The following AUTS2 variants were observed in gnomAD, a reference collection of about 807,000 sequenced individuals.
AUTS2 encodes activator of transcription and developmental regulator AUTS2.
A neutral mutation model predicts 112.4 loss-of-function variants in AUTS2; 17 were observed. That is an observed-to-expected ratio of 0.15 (90% CI 0.10 to 0.23). AUTS2 has a LOEUF of 0.23. Among genes scored for constraint, AUTS2 ranks in the 10% least tolerant of loss-of-function variants. The probability of loss-of-function intolerance (pLI) is 1.00; values close to 1 mark genes in which losing one functional copy is unlikely to be tolerated. For missense variants in AUTS2, 1,510 were observed against 1,701.6 expected, an observed-to-expected ratio of 0.89 and a Z score of 1.98; for synonymous variants, 751 against 702.7, an observed-to-expected ratio of 1.07 and a Z score of -1.09.
intron 2 of AUTS2, among the ~76,000 whole-genome samples, chr7:70,032,790 CT>C (rs1183361978): frequency 6.6e-6 from 1 of 151,938 alleles, no homozygotes; most frequent in Non-Finnish European, 1.5e-5. Context: ...CTAACCTTCC[CT>C]GTAATTATGC....
At chr7:69,985,119 G>A (rs997044492) in intron 2 of AUTS2, among the ~76,000 whole-genome samples, 6 of 151,574 alleles carry the variant, frequency 4.0e-5, no homozygotes, top group East Asian at 1.9e-4. Flanking sequence ...TAATCCCAGC[G>A]CTGTGGGAGC....
chr7:69,984,319 A>G (rs1237501431), intron 2 of AUTS2, among the ~76,000 whole-genome samples: 6 of 150,060 alleles, frequency 4.0e-5, no homozygotes, highest in African/African-American at 1.5e-4. Context: ...AGGCAGGAGA[A>G]TGGCGTGAAC....
At chr7:69,799,594 C>T (rs573766750) in intron 1 of AUTS2, among the ~76,000 whole-genome samples, 2 of 152,322 alleles carry the variant, frequency 1.3e-5, no homozygotes, top group Non-Finnish European at 2.9e-5. Context: ...TACAGTGATA[C>T]AGTTAGCACT....
chr7:70,074,017 T>A (rs1384059393), intron 2 of AUTS2, among the ~76,000 whole-genome samples: 6 of 152,244 alleles, frequency 3.9e-5, no homozygotes, highest in Non-Finnish European at 8.8e-5. Context: ...ACTGAATAAT[T>A]CTGTCTCATG....
chr7:70,605,546 C>CTTTTTTTTTTTTTT, intron 5 of AUTS2, among the ~76,000 whole-genome samples: 5 of 70,678 alleles, frequency 7.1e-5, no homozygotes, highest in Admixed American at 1.8e-4. Flanking sequence ...CCTTCTTTCT[C>CTTTTTTTTTTTTTT]TTTTTTTTTT....
chr7:69,724,009 T>C (rs1320092304), intron 1 of AUTS2, among the ~76,000 whole-genome samples: 4 of 151,808 alleles, frequency 2.6e-5, no homozygotes, highest in Admixed American at 2.6e-4. Flanking sequence ...ACAGAAGCAG[T>C]GTGGATTGTG....
chr7:70,091,525 G>A (rs1803919260), intron 2 of AUTS2, among the ~76,000 whole-genome samples: 2 of 152,170 alleles, frequency 1.3e-5, no homozygotes, highest in Admixed American at 6.5e-5. Context: ...TGTTTATAGT[G>A]ACAGAATCAA....
At chr7:70,509,727 C>A (rs1799106919) in intron 5 of AUTS2, among the ~76,000 whole-genome samples, 1 of 152,072 alleles carries the variant, frequency 6.6e-6, no homozygotes, top group Admixed American at 6.6e-5. Flanking sequence ...CCAGGCTGAC[C>A]AATGCAGCCA....
rs1231630922 is a variant in AUTS2 at position 70,004,135 on chromosome 7, T to A, written c.522+104637T>A. ...TGAATGTGTTATATGTGAATATATA[T>A]AATATATATGAATGTGTTATATGTG... On this transcript the variant is annotated intron_variant, in intron 2 of 18. Transcript: ENST00000342771. Among the ~76,000 whole-genome samples, 4 of 126,340 alleles carry A rather than the reference T, an allele frequency of 3.2e-5. No individual in the cohort carries two copies. In the East Asian group the frequency reaches 8.5e-4, roughly 27 times the overall value. The allele number at this position is 126,340 out of a possible 152,430, so 82.9% of individuals were successfully genotyped here. A position where few individuals can be genotyped will look rare whatever the true frequency, so the allele number is the denominator to read the frequency against.
At chr7:70,642,854 C>G (rs1160492740) in intron 5 of AUTS2, among the ~76,000 whole-genome samples, 2 of 152,200 alleles carry the variant, frequency 1.3e-5, no homozygotes, top group Admixed American at 1.3e-4. Context: ...ATTCACTTGT[C>G]ATTCCTTCAC....
chr7:70,733,480 A>G (rs985974363), intron 6 of AUTS2, among the ~76,000 whole-genome samples: 4 of 152,208 alleles, frequency 2.6e-5, no homozygotes, highest in African/African-American at 9.6e-5. Flanking sequence ...AGTGAAGATC[A>G]TTGTACAGTG....
chr7:70,432,606 G>A (rs753612116), intron 4 of AUTS2, among the ~76,000 whole-genome samples: 12 of 152,186 alleles, frequency 7.9e-5, no homozygotes, highest in African/African-American at 2.2e-4. Context: ...CCCTTTATGA[G>A]TGGAATAGAC....
chr7:70,518,699 T>A (rs1309162170), intron 5 of AUTS2, among the ~76,000 whole-genome samples: 1 of 146,858 alleles, frequency 6.8e-6, no homozygotes, highest in Non-Finnish European at 1.5e-5. Context: ...AAAAAAAAAA[T>A]GTGTCGTTTT....
At chr7:70,268,239 A>T (rs145294017) in intron 4 of AUTS2, among the ~76,000 whole-genome samples, 1 of 152,260 alleles carries the variant, frequency 6.6e-6, no homozygotes, top group African/African-American at 2.4e-5. Flanking sequence ...CTTTGATGAC[A>T]TTTTAGTGCT....
At chr7:69,932,708 C>T (rs1328678610) in intron 2 of AUTS2, among the ~76,000 whole-genome samples, 1 of 152,182 alleles carries the variant, frequency 6.6e-6, no homozygotes, top group Non-Finnish European at 1.5e-5. Context: ...GGGCTTGGCA[C>T]CTGTGGACTT....
intron 1 of AUTS2, among the ~76,000 whole-genome samples, chr7:69,874,258 C>T (rs1793629863): frequency 6.6e-6 from 1 of 152,026 alleles, no homozygotes. Context: ...TGAAGACACA[C>T]TTGGCATGAC....
At chr7:70,591,384 C>CTTTGTTTGTTTGTTTG (rs55794656) in intron 5 of AUTS2, among the ~76,000 whole-genome samples, 173 of 150,376 alleles carry the variant, frequency 1.2e-3, no homozygotes, top group African/African-American at 3.5e-3. Flanking sequence ...TTTACCCAGT[C>CTTTGTTTGTTTGTTTG]TTTGTTTGTT....
chr7:69,643,421 T>G (rs1296338159), intron 1 of AUTS2: 1 of 145,568 alleles, frequency 6.9e-6, no homozygotes, highest in African/African-American at 2.5e-5. Flanking sequence ...ATATTTCAGG[T>G]TTTTTTTTTT....
At chr7:69,837,902 A>G (rs989594286) in intron 1 of AUTS2, among the ~76,000 whole-genome samples, 1 of 152,176 alleles carries the variant, frequency 6.6e-6, no homozygotes, top group African/African-American at 2.4e-5. Flanking sequence ...CTCTTAGGCT[A>G]TTTATGATGC....
Sources: gnomAD v4.1 joint callset for allele counts (sites outside exome capture counted in the v4.1 genomes callset) on GRCh38, gnomAD v4.1.1 for gene constraint, MANE v1.5 for transcripts, NCBI Gene and HGNC (gene_info 2026-07-23, HGNC 2026-07-21) for gene names.